PTPRS: variants seen among roughly 807,000 people sequenced by gnomAD.
The protein encoded by PTPRS is protein tyrosine phosphatase receptor type S.
PTPRS carries 63 observed loss-of-function variants against 215.3 expected under a neutral mutation model. That is an observed-to-expected ratio of 0.29 (90% CI 0.24 to 0.36). The LOEUF (loss-of-function observed/expected upper bound fraction) is 0.36. Among genes scored for constraint, PTPRS ranks in the 10% least tolerant of loss-of-function variants. The pLI, the probability that PTPRS is intolerant of heterozygous loss-of-function variation, is 1.00. For synonymous variants in PTPRS, 1,404 were observed against 1,191.4 expected (o/e 1.18, Z -3.68); for missense variants, 2,258 against 2,825.8 (o/e 0.80, Z 4.56).
At chr19:5,286,658 TG>T (rs1195884099) in intron 1 of PTPRS, among the ~76,000 whole-genome samples, 1 of 152,180 alleles carries the variant, frequency 6.6e-6, no homozygotes, top group African/African-American at 2.4e-5. Flanking sequence ...TGTGTTGCCT[TG>T]ATCTTGGACT....
intron 16 of PTPRS, among the ~76,000 whole-genome samples, chr19:5,227,572 G>A (rs1038179498): frequency 2.1e-4 from 32 of 151,890 alleles, no homozygotes; most frequent in Admixed American, 2.0e-3. Context: ...GCGCCACCAC[G>A]CCTGGTTTTG....
Position 5,250,544 on chromosome 19 carries a change from C to T in PTPRS, c.719-4499G>A, listed in dbSNP as rs2044910982. 1.3e-5 allele frequency among the ~76,000 whole-genome samples: 2 copies of T among 151,500 alleles called. 1 individual carries two copies. Among genetic ancestry groups the T allele is most frequent in the South Asian group, 4.2e-4 (2 of 4,810 alleles). On this transcript the variant is annotated intron_variant, in intron 9 of 37. Transcript: ENST00000262963. ...CAGGTTATAAGGGGACCACACCAGC[C>T]TTGGTCCTCAGCACGCTCCAGCTGG...
At chr19:5,262,921 G>T in intron 6 of PTPRS, 43 bp downstream of exon 6, 1 of 1,554,820 alleles carries the variant, frequency 6.4e-7, no homozygotes, top group Non-Finnish European at 8.8e-7. Flanking sequence ...GCACAAAGGG[G>T]ATGGGGCGTT....
intron 6 of PTPRS, 108 bp from the exon 7 acceptor site, chr19:5,260,930 G>A: frequency 7.6e-7 from 1 of 1,313,446 alleles, no homozygotes; most frequent in Non-Finnish European, 1.1e-6. Context: ...TCAGCACTCT[G>A]CCCCAGGGAG....
intron 11 of PTPRS, among the ~76,000 whole-genome samples, chr19:5,242,517 G>A (rs2044128973): frequency 6.6e-6 from 1 of 151,438 alleles, no homozygotes; most frequent in Non-Finnish European, 1.5e-5. Flanking sequence ...ACAGGCGTGT[G>A]CCACCACGAC....
At chr19:5,266,743 T>C (rs1283036645) in intron 4 of PTPRS, among the ~76,000 whole-genome samples, 1 of 152,164 alleles carries the variant, frequency 6.6e-6, no homozygotes, top group African/African-American at 2.4e-5. Context: ...GAACCCTGCC[T>C]GCTTGCCCGC....
chr19:5,267,379 G>A (rs546748405), intron 4 of PTPRS, among the ~76,000 whole-genome samples: 39 of 152,174 alleles, frequency 2.6e-4, no homozygotes, highest in African/African-American at 8.4e-4. Flanking sequence ...AAGATGGGCC[G>A]GCCGTGGGGG....
intron 1 of PTPRS, among the ~76,000 whole-genome samples, chr19:5,306,112 A>G (rs2049484904): frequency 6.6e-6 from 1 of 151,370 alleles, no homozygotes; most frequent in South Asian, 2.1e-4. Flanking sequence ...TTTCTCATGA[A>G]GTTATTGATC....
chr19:5,224,134 G>A (rs758306095), intron 17 of PTPRS, among the ~76,000 whole-genome samples: 54 of 151,814 alleles, frequency 3.6e-4, no homozygotes, highest in Non-Finnish European at 5.7e-4. Context: ...AGCCAAGATC[G>A]TGCCACTGCA....
intron 13 of PTPRS, among the ~76,000 whole-genome samples, chr19:5,231,927 C>A (rs971520717): frequency 6.6e-6 from 1 of 152,154 alleles, no homozygotes; most frequent in African/African-American, 2.4e-5. Context: ...ATGCCAGAAA[C>A]TGGGTGGGGG....
intron 2 of PTPRS, among the ~76,000 whole-genome samples, chr19:5,285,551 C>T (rs955576921): frequency 6.6e-6 from 1 of 152,266 alleles, no homozygotes; most frequent in African/African-American, 2.4e-5. Context: ...GAAGCCTCCC[C>T]TGGCTCCACC....
chr19:5,217,537 G>A (rs527660574), intron 25 of PTPRS, among the ~76,000 whole-genome samples: 62 of 134,030 alleles, frequency 4.6e-4, no homozygotes, highest in Non-Finnish European at 9.2e-4. Flanking sequence ...AGCCAGTCCA[G>A]AGACAAAAAA....
chr19:5,240,146 A>C, intron 12 of PTPRS, 53 bp downstream of exon 12: 1 of 1,448,088 alleles, frequency 6.9e-7, no homozygotes, highest in Non-Finnish European at 9.1e-7. Flanking sequence ...GCAGCGTCAG[A>C]GAGCGCCGGG....
At chr19:5,214,802 A>G in intron 28 of PTPRS, 66 bp from the exon 29 acceptor site, 2 of 1,493,890 alleles carry the variant, frequency 1.3e-6, no homozygotes, top group Non-Finnish European at 1.8e-6. Context: ...CTGTGTGGCC[A>G]ACCACTTCCT....
intron 2 of PTPRS, among the ~76,000 whole-genome samples, chr19:5,282,237 T>C (rs1225179842): frequency 6.6e-6 from 1 of 152,102 alleles, no homozygotes; most frequent in Non-Finnish European, 1.5e-5. Context: ...GCAGAGCAGA[T>C]ACCCTCTCGG....
intron 1 of PTPRS, among the ~76,000 whole-genome samples, chr19:5,337,889 C>T (rs1421355159): frequency 6.6e-6 from 1 of 152,120 alleles, no homozygotes; most frequent in African/African-American, 2.4e-5. Context: ...GAACGCTCAA[C>T]CGGGGTATAA....
At chr19:5,230,419 T>C (rs2042917504) in intron 14 of PTPRS, among the ~76,000 whole-genome samples, 1 of 152,126 alleles carries the variant, frequency 6.6e-6, no homozygotes, top group South Asian at 2.1e-4. Context: ...CACCTCAGCC[T>C]CCCAAGTAGC....
intron 9 of PTPRS, among the ~76,000 whole-genome samples, chr19:5,247,971 G>A (rs983900768): frequency 2.6e-5 from 4 of 151,248 alleles, no homozygotes; most frequent in Middle Eastern, 3.4e-3. Flanking sequence ...GGGAGGAGTC[G>A]GGGCATGGGG....
chr19:5,239,350 GTCAGAGACAGAGGGAC>G (rs2043803670), intron 12 of PTPRS, among the ~76,000 whole-genome samples: 1 of 151,170 alleles, frequency 6.6e-6, no homozygotes, highest in African/African-American at 2.4e-5. Context: ...AGGGGAGAGA[GTCAGAGACAGAGGGAC>G]ACAGAGACAG....
Sources: gnomAD v4.1 joint callset for allele counts (sites outside exome capture counted in the v4.1 genomes callset) on GRCh38, gnomAD v4.1.1 for gene constraint, MANE v1.5 for transcripts, NCBI Gene and HGNC (gene_info 2026-07-23, HGNC 2026-07-21) for gene names.